FAM107B: variants seen among roughly 807,000 people sequenced by gnomAD.
FAM107B encodes family with sequence similarity 107 member B.
A neutral mutation model predicts 31.5 loss-of-function variants in FAM107B; 21 were observed. The ratio of observed to expected loss-of-function variants is 0.67; its 90% CI spans 0.47 to 0.96. The LOEUF (loss-of-function observed/expected upper bound fraction) is 0.96. Among genes scored for constraint, FAM107B ranks in the 40% least tolerant of loss-of-function variants. FAM107B has a pLI of 0.00. For missense variants in FAM107B, 452 were observed against 377.1 expected (o/e 1.20, Z -1.64); for synonymous variants, 157 against 141.5 (o/e 1.11, Z -0.78).
intron 1 of FAM107B, among the ~76,000 whole-genome samples, chr10:14,753,020 T>C (rs1011841271): frequency 1.3e-5 from 2 of 152,026 alleles, no homozygotes; most frequent in African/African-American, 4.8e-5. Context: ...TTTTATCCAC[T>C]AAGTATAATT....
At chr10:14,570,233 G>T (rs892651544) in intron 2 of FAM107B, among the ~76,000 whole-genome samples, 24 of 140,422 alleles carry the variant, frequency 1.7e-4, no homozygotes, top group African/African-American at 4.3e-4. Context: ...AAATGTGGTG[G>T]GTGTGTGTGT....
rs572721669 is a variant in FAM107B, at chr10:14,536,542, C to T, written c.470-6027G>A. Reference sequence around the variant, plus strand: ...TCTCTCAGCACCCACAGTTCCCAGACAGGCAGGAGCCTGAGTTCCGGTAAG... The same window carrying T: ...TCTCTCAGCACCCACAGTTCCCAGATAGGCAGGAGCCTGAGTTCCGGTAAG... On this transcript the variant is annotated intron_variant, in intron 2 of 4. Coordinates refer to ENST00000181796, the MANE Select transcript of FAM107B (RefSeq NM_031453.4). 1.4e-3 allele frequency among the ~76,000 whole-genome samples: 219 copies of T among 152,326 alleles called. 3 individuals are homozygous for T. Among genetic ancestry groups the T allele is most frequent in the African/African-American group, 5.1e-3 (213 of 41,572 alleles).
In FAM107B at chr10:14,707,245, T is replaced by A. The variant is rs142018601; in HGVS notation, c.412-39554A>T. Among the ~76,000 whole-genome samples the A allele has an allele frequency of 2.0e-3, 309 of 152,228 alleles. 4 individuals carry two copies. The highest frequency in any genetic ancestry group is 0.018 in the East Asian group (93 of 5,182). On this transcript the variant is annotated intron_variant, in intron 1 of 4. Coordinates refer to ENST00000181796, the MANE Select transcript of FAM107B (RefSeq NM_031453.4). ...TCACCACCCCAACAAAAGAAAATTG[T>A]GGAAAGATGATTTTAAGTGGTCTAG... is the stretch of plus-strand genomic sequence containing the variant.
In FAM107B at chr10:14,635,632, A is replaced by AT. The variant is rs201146508; in HGVS notation, c.469+32001dup. Among the ~76,000 whole-genome samples the AT allele has an allele frequency of 1.3e-3, 192 of 150,188 alleles. 4 individuals carry two copies. In the East Asian group the frequency reaches 0.024, roughly 19 times the overall value. On this transcript the variant is annotated intron_variant, in intron 2 of 4. Transcript: ENST00000181796. Reference sequence around the variant, plus strand: ...GTTGGAACTTGGAATGTGTTTTTCTATTTTTTTTTCTTTTTTTGAGATGCA... The same window carrying AT: ...GTTGGAACTTGGAATGTGTTTTTCTATTTTTTTTTTCTTTTTTTGAGATGCA...
chr10:14,684,089 T>C (rs1184188729), intron 1 of FAM107B, among the ~76,000 whole-genome samples: 1 of 152,200 alleles, frequency 6.6e-6, no homozygotes, highest in Non-Finnish European at 1.5e-5. Flanking sequence ...CACACTTCCT[T>C]GTTCATAGGC....
At chr10:14,772,885 C>T (rs117261532) in intron 1 of FAM107B, among the ~76,000 whole-genome samples, 175 of 152,268 alleles carry the variant, frequency 1.1e-3, no homozygotes, top group Non-Finnish European at 2.3e-3. Context: ...TTTGTTCTTG[C>T]GGCTGTCTTC....
chr10:14,696,194 G>A (rs1006190386), intron 1 of FAM107B, among the ~76,000 whole-genome samples: 2 of 152,232 alleles, frequency 1.3e-5, no homozygotes, highest in Non-Finnish European at 2.9e-5. Flanking sequence ...AAGAAAGAAT[G>A]TTGAGCATTG....
intron 1 of FAM107B, among the ~76,000 whole-genome samples, chr10:14,726,264 A>G (rs1347538997): frequency 6.6e-6 from 1 of 152,176 alleles, no homozygotes; most frequent in Non-Finnish European, 1.5e-5. Context: ...AAGTACTGGG[A>G]TTACAGGCGT....
intron 2 of FAM107B, chr10:14,548,304 G>T: frequency 2.2e-6 from 1 of 463,510 alleles, no homozygotes; most frequent in Non-Finnish European, 2.8e-6. Context: ...CGGACACCCT[G>T]GGGGTCCAGG....
At chr10:14,755,205 A>T (rs548216286) in intron 1 of FAM107B, among the ~76,000 whole-genome samples, 1 of 152,322 alleles carries the variant, frequency 6.6e-6, no homozygotes, top group African/African-American at 2.4e-5. Flanking sequence ...ACTTAAAATA[A>T]TTCAAGGGTC....
chr10:14,772,350 T>A (rs989369653), intron 1 of FAM107B, among the ~76,000 whole-genome samples: 1 of 139,390 alleles, frequency 7.2e-6, no homozygotes, highest in South Asian at 2.1e-4. Context: ...CAAGACTCCA[T>A]CTTAAAAAAA....
intron 1 of FAM107B, among the ~76,000 whole-genome samples, chr10:14,724,917 T>A (rs988809895): frequency 2.0e-5 from 3 of 152,208 alleles, no homozygotes; most frequent in Non-Finnish European, 4.4e-5. Context: ...CATTTGAGAA[T>A]GAAGGCTCAA....
intron 2 of FAM107B, among the ~76,000 whole-genome samples, chr10:14,558,634 G>A (rs143959513): frequency 1.4e-3 from 206 of 151,944 alleles, no homozygotes; most frequent in African/African-American, 4.7e-3. Context: ...TGAACTCAGC[G>A]TCTAAGGTGA....
intron 1 of FAM107B, among the ~76,000 whole-genome samples, chr10:14,751,083 G>T (rs147873530): frequency 6.6e-6 from 1 of 152,186 alleles, no homozygotes; most frequent in Non-Finnish European, 1.5e-5. Flanking sequence ...GTTGACATCC[G>T]CTAGGTAATG....
At chr10:14,652,722 G>A (rs1036175667) in intron 2 of FAM107B, 1 of 152,182 alleles carries the variant, frequency 6.6e-6, no homozygotes, top group Admixed American at 6.5e-5. Flanking sequence ...CAGACGTTTT[G>A]TGTTCAGTTG....
chr10:14,612,834 G>T (rs1852758034), intron 2 of FAM107B, among the ~76,000 whole-genome samples: 3 of 152,176 alleles, frequency 2.0e-5, no homozygotes, highest in Admixed American at 2.0e-4. Flanking sequence ...CATAACTGTA[G>T]ATACCCCAAA....
chr10:14,652,662 A>G (rs548312507), intron 2 of FAM107B: 2 of 152,380 alleles, frequency 1.3e-5, no homozygotes, highest in East Asian at 3.9e-4. Context: ...AACACTACTT[A>G]GAAAATGTTA....
intron 1 of FAM107B, among the ~76,000 whole-genome samples, chr10:14,703,119 G>A (rs1855439479): frequency 6.6e-6 from 1 of 152,062 alleles, no homozygotes. Flanking sequence ...TCTGAGGTAA[G>A]GCCACAAAGG....
intron 1 of FAM107B, among the ~76,000 whole-genome samples, chr10:14,761,601 T>C (rs2131591418): frequency 6.6e-6 from 1 of 152,218 alleles, no homozygotes. Flanking sequence ...GATAGCTCTT[T>C]TTTCTTTTTT....
Sources: gnomAD v4.1 joint callset for allele counts (sites outside exome capture counted in the v4.1 genomes callset) on GRCh38, gnomAD v4.1.1 for gene constraint, MANE v1.5 for transcripts, NCBI Gene and HGNC (gene_info 2026-07-23, HGNC 2026-07-21) for gene names.